The following STAT3 variants were observed in gnomAD, a reference collection of about 807,000 sequenced individuals.
STAT3 encodes signal transducer and activator of transcription 3, also known as DNA-binding protein APRF.
A neutral mutation model predicts 114.3 loss-of-function variants in STAT3; 7 were observed. The ratio of observed to expected loss-of-function variants is 0.06; its 90% CI spans 0.03 to 0.11. The LOEUF (loss-of-function observed/expected upper bound fraction) is 0.11. Ranked by LOEUF, STAT3 falls within the 10% of genes least tolerant of loss-of-function variation. The pLI is 1.00. For synonymous variants in STAT3, 331 were observed against 354.5 expected (o/e 0.93, Z 0.74); for missense variants, 364 against 960.9 (o/e 0.38, Z 8.21).
chr17:42,331,383 G>T, intron 11 of STAT3, 89 bp downstream of exon 11: 2 of 1,202,238 alleles, frequency 1.7e-6, no homozygotes, highest in Non-Finnish European at 2.4e-6. Flanking sequence ...TCTGAATAAA[G>T]ACAGAGTCTC....
chr17:42,355,109 A>G (rs1213836720), intron 1 of STAT3, among the ~76,000 whole-genome samples: 3 of 152,220 alleles, frequency 2.0e-5, no homozygotes, highest in African/African-American at 4.8e-5. Flanking sequence ...TTTTACTGGA[A>G]AAGACCTCAA....
At chr17:42,383,586 A>G (rs1429150796) in intron 1 of STAT3, among the ~76,000 whole-genome samples, 2 of 152,192 alleles carry the variant, frequency 1.3e-5, no homozygotes, top group African/African-American at 4.8e-5. Flanking sequence ...ACTAAAGCGC[A>G]CTACACTTTA....
chr17:42,329,569 T>C lies in STAT3; in HGVS notation c.1218A>G (p.Ala406=). 1.9e-6 allele frequency: 3 copies of C among 1,614,248 alleles called. No individual in the cohort carries two copies. Among genetic ancestry groups the C allele is most frequent in the Non-Finnish European group, 2.5e-6 (3 of 1,180,048 alleles). The change falls in exon 13 of 24, where the codon GCA becomes GCG. Residue 406 remains alanine, a synonymous_variant. Transcript: ENST00000264657. ...MEESNNGSLS[A]EFKHLTLREQ... The stretch of plus-strand genomic sequence containing the variant: ...TCCCACATACCAAGTGTTTGAATTC[T>C]GCAGAGAGGCTGCCGTTGTTGGATT...
At chr17:42,316,989 A>ACACAC in intron 22 of STAT3, 88 bp from the exon 23 acceptor site, 1 of 1,569,156 alleles carries the variant, frequency 6.4e-7, no homozygotes, top group South Asian at 1.2e-5. Context: ...ACACACACAC[A>ACACAC]AGCCATCAAA....
At chr17:42,338,508 AGG>A (rs2082312403) in intron 6 of STAT3, among the ~76,000 whole-genome samples, 1 of 74,156 alleles carries the variant, frequency 1.3e-5, no homozygotes, top group Non-Finnish European at 3.1e-5. Context: ...CCTTGACCTG[AGG>A]GAATACTCCT....
At chr17:42,321,864 G>A (rs1158330056) in intron 21 of STAT3, among the ~76,000 whole-genome samples, 1 of 151,976 alleles carries the variant, frequency 6.6e-6, no homozygotes, top group African/African-American at 2.4e-5. Context: ...CACTCTATCA[G>A]CCAGGCTGGA....
chr17:42,313,379 C>CAAAAAAAAAAAA lies in STAT3; in HGVS notation c.*2354_*2365dup, dbSNP rs397857989. Reference sequence around the variant, plus strand: ...AGTTAAAGTAGATACAGCAATATACCAAAAAAAAAAAAAAAAAAAAAAGAC... The same window carrying CAAAAAAAAAAAA: ...AGTTAAAGTAGATACAGCAATATACCAAAAAAAAAAAAAAAAAAAAAAAAAAAAAAAAAAGAC... On this transcript the variant is annotated 3_prime_UTR_variant, in exon 24 of 24. Transcript: ENST00000264657. The CAAAAAAAAAAAA allele has an allele frequency of 6.0e-5, 5 of 83,002 alleles. No individual in the cohort carries two copies. The highest frequency in any genetic ancestry group is 8.9e-5 in the Non-Finnish European group (4 of 44,896). 5.1% of individuals were successfully genotyped at this position (83,002 alleles called of 1,614,324 possible).
chr17:42,333,415 G>T lies in STAT3; in HGVS notation c.1049+258C>A, dbSNP rs1598414301. ...CATTATTTTGTCCCTTGGGCAGAAG[G>T]AGAAGCTGTGGCCTGAGACTCCAGG... On this transcript the variant is annotated intron_variant, in intron 10 of 23. Coordinates refer to ENST00000264657, the MANE Select transcript of STAT3 (RefSeq NM_139276.3). The surrounding 1 kb of genome is among the most constrained non-coding windows in gnomAD (Gnocchi z 5.2). Among the ~76,000 whole-genome samples the T allele has an allele frequency of 6.6e-6, 1 of 152,110 alleles. No individual in the cohort carries two copies. The highest frequency in any genetic ancestry group is 6.6e-5 in the Admixed American group (1 of 15,260).
rs369501634 is a variant in STAT3 at position 42,329,789 on chromosome 17, A to G, written c.1110-13T>C. 3 of 1,614,036 alleles carry G rather than the reference A, an allele frequency of 1.9e-6. No homozygotes were observed. Among genetic ancestry groups the G allele is most frequent in the African/African-American group, 2.7e-5 (2 of 74,956 alleles). On this transcript the variant is annotated splice_polypyrimidine_tract_variant and intron_variant, in intron 11 of 23. Coordinates refer to ENST00000264657, the MANE Select transcript of STAT3 (RefSeq NM_139276.3). ...GTCCCCAGAGTCTCTGTAAGAACAC[A>G]GACTGTTGTTAATAAAATAGGCTCT... is the stretch of plus-strand genomic sequence containing the variant.
Position 42,314,217 on chromosome 17 carries a change from A to ACTT in STAT3, c.*1527_*1528insAAG. On this transcript the variant is annotated 3_prime_UTR_variant, in exon 24 of 24. Coordinates refer to ENST00000264657, the MANE Select transcript of STAT3 (RefSeq NM_139276.3). ...CGAGGGCAGACTCAAGTTTATCAGT[A>ACTT]AGCCTTTGCCCTGCATGAACTGAAT... 1 of 232,820 alleles carries ACTT rather than the reference A, an allele frequency of 4.3e-6. No individual in the cohort carries two copies. The highest frequency in any genetic ancestry group is 6.0e-5 in the East Asian group (1 of 16,582). The allele number at this position is 232,820 out of a possible 1,614,324, so 14.4% of individuals were successfully genotyped here. A position where few individuals can be genotyped will look rare whatever the true frequency, so the allele number is the denominator to read the frequency against.
rs2081622609 is a variant in STAT3, at chr17:42,324,619, T to C, written c.1600+92A>G. The C allele has an allele frequency of 2.7e-6, 4 of 1,495,460 alleles. No individual in the cohort carries two copies. Among genetic ancestry groups the C allele is most frequent in the East Asian group, 2.5e-5 (1 of 39,474 alleles). 92.6% of individuals were successfully genotyped at this position (1,495,460 alleles called of 1,614,324 possible). A position where few individuals can be genotyped will look rare whatever the true frequency, so the allele number is the denominator to read the frequency against. On this transcript the variant is annotated intron_variant, in intron 17 of 23. Coordinates refer to ENST00000264657, the MANE Select transcript of STAT3 (RefSeq NM_139276.3). This position sits in a 1 kb window ranked among gnomAD's most constrained non-coding sequence, Gnocchi z 4.5. Reference sequence around the variant, plus strand: ...TGCTCAGGAAAGAAACATGGCCTAATGCTCAGTAGACATGGCCCAAATGAA... The same window carrying C: ...TGCTCAGGAAAGAAACATGGCCTAACGCTCAGTAGACATGGCCCAAATGAA...
At chr17:42,326,250 G>A (rs975275246) in intron 14 of STAT3, 51 bp from the exon 15 acceptor site, 3 of 1,551,244 alleles carry the variant, frequency 1.9e-6, no homozygotes, top group South Asian at 1.1e-5. Flanking sequence ...GCTCATGCCT[G>A]TAATCCCAGC....
intron 1 of STAT3, among the ~76,000 whole-genome samples, chr17:42,383,300 G>A (rs936603051): frequency 2.2e-4 from 33 of 151,404 alleles, no homozygotes; most frequent in African/African-American, 5.8e-4. Context: ...CAAGTGATCC[G>A]CTCACCTCTG....
In STAT3 at chr17:42,337,310, G is replaced by C. The variant is rs2082269636; in HGVS notation, c.797+125C>G. 1.4e-6 allele frequency: 2 copies of C among 1,391,938 alleles called. No individual in the cohort carries two copies. Among genetic ancestry groups the C allele is most frequent in the Non-Finnish European group, 1.9e-6 (2 of 1,036,630 alleles). The allele number at this position is 1,391,938 out of a possible 1,614,324, so 86.2% of individuals were successfully genotyped here. On this transcript the variant is annotated intron_variant, in intron 8 of 23. Transcript: ENST00000264657. This position sits in a 1 kb window ranked among gnomAD's most constrained non-coding sequence, Gnocchi z 4.0. ...ATAAAGTAAAAACTTTAATTCTTGGGCTAAATTTGAATATGGAAAAGTCCC... is the reference window on the plus strand; with the variant it reads ...ATAAAGTAAAAACTTTAATTCTTGGCCTAAATTTGAATATGGAAAAGTCCC...
At chr17:42,357,855 T>C (rs1390562152) in intron 1 of STAT3, among the ~76,000 whole-genome samples, 2 of 152,142 alleles carry the variant, frequency 1.3e-5, no homozygotes, top group African/African-American at 4.8e-5. Flanking sequence ...GTCCAAATAG[T>C]ACCTTTGTAA....
At position 42,333,578 on chromosome 17, in the gene STAT3, A is replaced by G. The variant is rs959600380; in HGVS notation, c.1049+95T>C. On this transcript the variant is annotated intron_variant, in intron 10 of 23. Transcript: ENST00000264657. This position sits in a 1 kb window ranked among gnomAD's most constrained non-coding sequence, Gnocchi z 5.2. ...AACAGTGTACTGCCTGTGACACCACACCTGGAAAGAATGACCCTGGCCACC... is the reference window on the plus strand; with the variant it reads ...AACAGTGTACTGCCTGTGACACCACGCCTGGAAAGAATGACCCTGGCCACC... The G allele has an allele frequency of 7.2e-7, 1 of 1,397,022 alleles. No individual in the cohort carries two copies. The highest frequency in any genetic ancestry group is 1.4e-5 in the African/African-American group (1 of 70,428). 86.5% of individuals were successfully genotyped at this position (1,397,022 alleles called of 1,614,324 possible). A position where few individuals can be genotyped will look rare whatever the true frequency, so the allele number is the denominator to read the frequency against.
Position 42,373,328 on chromosome 17 carries a change from C to T in STAT3, c.-24+14951G>A, listed in dbSNP as rs537881472. On this transcript the variant is annotated intron_variant, in intron 1 of 23. Coordinates refer to ENST00000264657, the MANE Select transcript of STAT3 (RefSeq NM_139276.3). ...TCATGCCATTGCACTCCAGCCTGGG[C>T]AAAAAGAGTGAAACTCCATCTCAAA... 1.5e-4 allele frequency among the ~76,000 whole-genome samples: 22 copies of T among 149,824 alleles called. No individual in the cohort carries two copies. In the South Asian group the frequency reaches 4.0e-3, roughly 27 times the overall value.
At chr17:42,354,172 C>CTTT (rs1212253278) in intron 1 of STAT3, among the ~76,000 whole-genome samples, 43 of 108,644 alleles carry the variant, frequency 4.0e-4, no homozygotes, top group African/African-American at 1.1e-3. Flanking sequence ...TAATTGTGTT[C>CTTT]TTTTTTTTTT....
intron 15 of STAT3, among the ~76,000 whole-genome samples, chr17:42,325,699 G>A (rs989579283): frequency 2.6e-5 from 4 of 151,988 alleles, no homozygotes; most frequent in Admixed American, 2.6e-4. Context: ...CGAGTAGCTG[G>A]GATTATAGGC....
Sources: allele counts gnomAD v4.1 joint callset (sites outside exome capture counted in the v4.1 genomes callset), GRCh38; gene constraint gnomAD v4.1.1; non-coding constraint Gnocchi (gnomAD v3.1); transcripts MANE v1.5; gene names NCBI Gene and HGNC (gene_info 2026-07-23, HGNC 2026-07-21).